Variants in TRPM4 observed in about 807,000 individuals in gnomAD.
TRPM4 encodes calcium-activated non-selective cation channel 1.
A neutral mutation model predicts 135.6 loss-of-function variants in TRPM4; 124 were observed. The observed-to-expected ratio is 0.91, with a 90% CI of 0.79 to 1.06. The LOEUF is 1.06. Among genes scored for constraint, TRPM4 ranks in the 50% least tolerant of loss-of-function variants. The pLI is 0.00. For synonymous variants in TRPM4, 745 were observed against 705.6 expected (o/e 1.06, Z -0.88); for missense variants, 1,658 against 1,671.4 (o/e 0.99, Z 0.14).
In TRPM4 at chr19:49,210,818, A is replaced by G; in HGVS notation, c.3437A>G (p.Glu1146Gly). 1 of 1,612,642 alleles carries G rather than the reference A, an allele frequency of 6.2e-7. No homozygotes were observed. Among genetic ancestry groups the G allele is most frequent in the South Asian group, 1.1e-5 (1 of 90,732 alleles). Reference protein sequence around the residue: ...RARDKRESDSERLKRTSQKVD... With the variant: ...RARDKRESDSGRLKRTSQKVD... ...AGGGACAAGCGGGAGAGCGACTCCG[A>G]GCGTCTGAAGCGCACGTCCCAGAAG... Residue 1146 changes from glutamate (E) to glycine (G), a missense_variant, in exon 22 of 25, where the codon GAG becomes GGG. By Grantham distance (98) the Glu-to-Gly change is moderately conservative. Transcript: ENST00000252826. This position sits in a 1 kb window ranked among gnomAD's most constrained non-coding sequence, Gnocchi z 4.1.
At chr19:49,186,550 T>C (rs1394436689) in intron 12 of TRPM4, among the ~76,000 whole-genome samples, 1 of 152,160 alleles carries the variant, frequency 6.6e-6, no homozygotes, top group African/African-American at 2.4e-5. Context: ...TTGCCTCAGA[T>C]GGATGTGGTT....
At position 49,194,420 on chromosome 19, in the gene TRPM4, T is replaced by C. The variant is rs551546758; in HGVS notation, c.2211-2020T>C. Among the ~76,000 whole-genome samples, 175 of 152,204 alleles carry C rather than the reference T, an allele frequency of 1.1e-3. 1 individual carries two copies. Among genetic ancestry groups the C allele is most frequent in the Non-Finnish European group, 2.0e-3 (135 of 68,006 alleles). ...ATGCTATGCTCGGCTAATTTTTATATGTTTTGTAGAGATGGGGTTTCGCCA... is the reference window on the plus strand; with the variant it reads ...ATGCTATGCTCGGCTAATTTTTATACGTTTTGTAGAGATGGGGTTTCGCCA... On this transcript the variant is annotated intron_variant, in intron 16 of 24. Coordinates refer to ENST00000252826, the MANE Select transcript of TRPM4 (RefSeq NM_017636.4).
At chr19:49,161,094 G>A (rs1966944439) in intron 2 of TRPM4, among the ~76,000 whole-genome samples, 2 of 152,006 alleles carry the variant, frequency 1.3e-5, no homozygotes, top group Non-Finnish European at 2.9e-5. Context: ...GGGACCGAGG[G>A]GCATGTGGGG....
rs761926597 is a variant in TRPM4, at chr19:49,188,932, C to T, written c.1874-14C>T. 3.9e-5 allele frequency: 63 copies of T among 1,614,002 alleles called. No homozygotes were observed. Among genetic ancestry groups the T allele is most frequent in the South Asian group, 1.1e-5 (1 of 91,094 alleles). On this transcript the variant is annotated splice_polypyrimidine_tract_variant and intron_variant, in intron 13 of 24. Transcript: ENST00000252826. Reference sequence around the variant, plus strand: ...CTTCCCATCCCTGTCACATAACTAACTCCTCTGCCCCAGACCTCTTTGGCG... The same window carrying T: ...CTTCCCATCCCTGTCACATAACTAATTCCTCTGCCCCAGACCTCTTTGGCG...
chr19:49,182,688 G>T lies in TRPM4; in HGVS notation c.1374G>T (p.Met458Ile), dbSNP rs750029092. The T allele has an allele frequency of 1.2e-5, 19 of 1,614,086 alleles. No individual in the cohort carries two copies. In the African/African-American group the frequency reaches 2.4e-4, roughly 20 times the overall value. Reference protein sequence around the residue: ...GLSLGHFLTPMRLAQLYSAAP... With the variant: ...GLSLGHFLTPIRLAQLYSAAP... ...GCCTGGGCCACTTCCTGACCCCGAT[G>T]CGCCTGGCCCAACTCTACAGCGCGG... The change falls in exon 11 of 25, where the codon ATG becomes ATT. Residue 458 changes from methionine (M) to isoleucine (I), a missense_variant. By Grantham distance (10) the Met-to-Ile change is conservative. Around this residue, in one of 3 missense-constraint regions of TRPM4, gnomAD observed 1,412 missense variants for 1,408.7 expected, o/e 1.00. Transcript: ENST00000252826.
chr19:49,176,213 C>T (rs760114198), intron 9 of TRPM4, among the ~76,000 whole-genome samples: 16 of 150,482 alleles, frequency 1.1e-4, no homozygotes, highest in East Asian at 2.0e-4. Context: ...TGTGAGCCAC[C>T]GCGCCCGGCC....
chr19:49,174,403 G>A lies in TRPM4; in HGVS notation c.1150+2295G>A, dbSNP rs1005858179. 1.1e-4 allele frequency among the ~76,000 whole-genome samples: 17 copies of A among 150,996 alleles called. No homozygotes were observed. In the South Asian group the frequency reaches 2.3e-3, roughly 21 times the overall value. Reference sequence around the variant, plus strand: ...CCTGACCTCATGATCCATCCACCTCGGCCTCCCAAAGTGCTGGGATTACAG... The same window carrying A: ...CCTGACCTCATGATCCATCCACCTCAGCCTCCCAAAGTGCTGGGATTACAG... On this transcript the variant is annotated intron_variant, in intron 9 of 24. Transcript: ENST00000252826.
At chr19:49,205,377 C>T (rs890717994) in intron 20 of TRPM4, among the ~76,000 whole-genome samples, 1 of 151,950 alleles carries the variant, frequency 6.6e-6, no homozygotes, top group Non-Finnish European at 1.5e-5. Flanking sequence ...TTTAATAAAA[C>T]GTTACTTAAA....
At chr19:49,180,299 T>C (rs1967864535) in intron 9 of TRPM4, among the ~76,000 whole-genome samples, 1 of 152,156 alleles carries the variant, frequency 6.6e-6, no homozygotes, top group Non-Finnish European at 1.5e-5. Context: ...TCTCTCTTGC[T>C]GTTTCAGTGA....
In TRPM4 at chr19:49,168,157, C is replaced by T. The variant is rs1600409444; in HGVS notation, c.448+60C>T. ...CTCGGCCTGCCTGCCATCTCCCCCA[C>T]GACTGTGGGTGGCCTCCCCCGCCGC... is the stretch of plus-strand genomic sequence containing the variant. On this transcript the variant is annotated intron_variant, in intron 4 of 24. Coordinates refer to ENST00000252826, the MANE Select transcript of TRPM4 (RefSeq NM_017636.4). The T allele has an allele frequency of 6.3e-6, 10 of 1,591,400 alleles. No homozygotes were observed. The South Asian group carries it at 8.8e-5, about 14-fold the overall frequency.
At chr19:49,200,095 C>T (rs973483135) in intron 17 of TRPM4, among the ~76,000 whole-genome samples, 3 of 152,122 alleles carry the variant, frequency 2.0e-5, no homozygotes, top group Admixed American at 6.5e-5. Flanking sequence ...ACTTAATAGG[C>T]GCAGCCATTT....
At position 49,172,125 on chromosome 19, in the gene TRPM4, C is replaced by T; in HGVS notation, c.1150+17C>T. 1.3e-6 allele frequency: 2 copies of T among 1,564,156 alleles called. No homozygotes were observed. Among genetic ancestry groups the T allele is most frequent in the Non-Finnish European group, 1.8e-6 (2 of 1,134,564 alleles). On this transcript the variant is annotated intron_variant, in intron 9 of 24. Transcript: ENST00000252826. ...TTGTGAAGGGTAAAAGTTGTACCCT[C>T]CAGTCTTCCCCCTCTCTCAGTTCAA...
intron 6 of TRPM4, among the ~76,000 whole-genome samples, chr19:49,170,377 C>T (rs1405221626): frequency 6.6e-6 from 1 of 151,812 alleles, no homozygotes; most frequent in Non-Finnish European, 1.5e-5. Context: ...TTGGTAGAGA[C>T]GGGGTTTCAC....
chr19:49,196,122 T>C (rs1690202382), intron 16 of TRPM4, among the ~76,000 whole-genome samples: 1 of 152,158 alleles, frequency 6.6e-6, no homozygotes, highest in South Asian at 2.1e-4. Context: ...ACTCCCAAAG[T>C]GCTGCGATTA....
chr19:49,197,011 TA>T, intron 17 of TRPM4, 137 bp downstream of exon 17: 2 of 848,728 alleles, frequency 2.4e-6, no homozygotes, highest in Non-Finnish European at 3.6e-6. Context: ...GAACCCCTCT[TA>T]GGAAAGTCGG....
intron 20 of TRPM4, 132 bp downstream of exon 20, chr19:49,202,273 C>A: frequency 9.5e-7 from 1 of 1,052,062 alleles, no homozygotes. Context: ...TGCCTTCTCC[C>A]CAAACCCAAC....
At chr19:49,193,126 G>T (rs975715892) in intron 16 of TRPM4, among the ~76,000 whole-genome samples, 1 of 148,564 alleles carries the variant, frequency 6.7e-6, no homozygotes, top group African/African-American at 2.5e-5. Flanking sequence ...TGTCGCCCAG[G>T]CTGGAGTGCA....
chr19:49,197,356 CT>C (rs55648652), intron 17 of TRPM4, among the ~76,000 whole-genome samples: 1 of 100,926 alleles, frequency 9.9e-6, no homozygotes, highest in Non-Finnish European at 1.9e-5. Flanking sequence ...TTCTTTCTTT[CT>C]TTCTTTCTCT....
At chr19:49,194,223 C>T (rs1600492609) in intron 16 of TRPM4, among the ~76,000 whole-genome samples, 1 of 152,038 alleles carries the variant, frequency 6.6e-6, no homozygotes, top group East Asian at 1.9e-4. Context: ...CCTCCTCCTG[C>T]TCCTCTGCCT....
Sources: allele counts gnomAD v4.1 joint callset (sites outside exome capture counted in the v4.1 genomes callset), GRCh38; gene constraint gnomAD v4.1.1; regional missense constraint gnomAD v4.1.1; non-coding constraint Gnocchi (gnomAD v3.1); transcripts MANE v1.5; gene names NCBI Gene and HGNC (gene_info 2026-07-23, HGNC 2026-07-21).